The following DENND1A variants were observed in gnomAD, a reference collection of about 807,000 sequenced individuals.
DENND1A encodes the protein DENN domain containing 1A, also known as DENN domain-containing protein 1A.
DENND1A carries 51 observed loss-of-function variants against 113.7 expected under a neutral mutation model. That is an observed-to-expected ratio of 0.45 (90% CI 0.36 to 0.57). The LOEUF is 0.57. DENND1A is among the 20% of genes least tolerant of loss of function. The probability of loss-of-function intolerance (pLI) is 0.00; values close to 1 mark genes in which losing one functional copy is unlikely to be tolerated. For missense variants in DENND1A, 1,258 were observed against 1,395.9 expected (o/e 0.90, Z 1.57); for synonymous variants, 565 against 570.8 (o/e 0.99, Z 0.14).
intron 13 of DENND1A, among the ~76,000 whole-genome samples, chr9:123,500,352 G>T (rs2052365294): frequency 6.6e-6 from 1 of 152,174 alleles, no homozygotes; most frequent in African/African-American, 2.4e-5. Flanking sequence ...GGTGGAATTA[G>T]ATTTTTCTTA....
chr9:123,556,834 G>T (rs986086159), intron 13 of DENND1A, among the ~76,000 whole-genome samples: 3 of 152,236 alleles, frequency 2.0e-5, no homozygotes, highest in African/African-American at 7.2e-5. Flanking sequence ...GAGAGAAACA[G>T]CAAAGAAGAA....
intron 13 of DENND1A, among the ~76,000 whole-genome samples, chr9:123,481,305 G>C (rs1330341434): frequency 6.6e-6 from 1 of 152,194 alleles, no homozygotes; most frequent in African/African-American, 2.4e-5. Flanking sequence ...GCAATGGTGG[G>C]GATGGCAACT....
At chr9:123,824,259 A>G (rs1164098299) in intron 2 of DENND1A, among the ~76,000 whole-genome samples, 1 of 152,068 alleles carries the variant, frequency 6.6e-6, no homozygotes, top group Admixed American at 6.5e-5. Flanking sequence ...AACACCCCAA[A>G]ACTTAAGCTC....
At chr9:123,547,181 A>C (rs1386176042) in intron 13 of DENND1A, among the ~76,000 whole-genome samples, 1 of 152,246 alleles carries the variant, frequency 6.6e-6, no homozygotes, top group Non-Finnish European at 1.5e-5. Context: ...CTCAATAGGC[A>C]ACAAATGTTT....
At chr9:123,584,224 G>A (rs2059056207) in intron 11 of DENND1A, among the ~76,000 whole-genome samples, 2 of 152,198 alleles carry the variant, frequency 1.3e-5, no homozygotes, top group South Asian at 4.1e-4. Context: ...ATCATTTGCT[G>A]TCTAAACTGG....
intron 13 of DENND1A, among the ~76,000 whole-genome samples, chr9:123,487,811 C>T (rs1342174124): frequency 1.3e-5 from 2 of 152,216 alleles, no homozygotes; most frequent in Non-Finnish European, 2.9e-5. Context: ...AAGGGGACTG[C>T]TGATATTTCT....
At chr9:123,687,730 A>G (rs1370699939) in intron 5 of DENND1A, among the ~76,000 whole-genome samples, 1 of 152,238 alleles carries the variant, frequency 6.6e-6, no homozygotes, top group Non-Finnish European at 1.5e-5. Flanking sequence ...GGGTTTTTAG[A>G]GAGAGTAAAG....
intron 6 of DENND1A, among the ~76,000 whole-genome samples, chr9:123,672,639 T>C (rs2063823729): frequency 6.6e-6 from 1 of 152,182 alleles, no homozygotes; most frequent in Non-Finnish European, 1.5e-5. Context: ...AATGCCATTA[T>C]TGTGAGAGTG....
chr9:123,743,460 G>A (rs945861656), intron 5 of DENND1A, among the ~76,000 whole-genome samples: 7 of 151,634 alleles, frequency 4.6e-5, no homozygotes, highest in Non-Finnish European at 8.8e-5. Context: ...GGCCGGGCGC[G>A]GTGGCTCACT....
At chr9:123,394,561 C>T (rs1395635822) in intron 21 of DENND1A, among the ~76,000 whole-genome samples, 1 of 152,214 alleles carries the variant, frequency 6.6e-6, no homozygotes, top group Non-Finnish European at 1.5e-5. Context: ...AGCCTTTATT[C>T]GGGCATTTAT....
intron 13 of DENND1A, among the ~76,000 whole-genome samples, chr9:123,465,248 A>G (rs1453358842): frequency 2.0e-5 from 3 of 150,120 alleles, no homozygotes. Flanking sequence ...TAGTTCAGGG[A>G]GCAAATAACA....
intron 2 of DENND1A, among the ~76,000 whole-genome samples, 170 bp from the exon 3 acceptor site, chr9:123,792,800 C>T (rs1341051078): frequency 6.6e-6 from 1 of 152,166 alleles, no homozygotes. Flanking sequence ...AAGGCACTCC[C>T]ATTACCCTCC....
chr9:123,610,230 A>ATG (rs1374106659), intron 10 of DENND1A, among the ~76,000 whole-genome samples: 4 of 152,138 alleles, frequency 2.6e-5, no homozygotes, highest in Middle Eastern at 3.4e-3. Flanking sequence ...GTCGGTGTGT[A>ATG]TGTGTGTGTG....
chr9:123,652,942 A>G (rs2062738261), intron 8 of DENND1A, among the ~76,000 whole-genome samples: 2 of 152,216 alleles, frequency 1.3e-5, no homozygotes, highest in South Asian at 4.1e-4. Flanking sequence ...CGCTTTCTAT[A>G]CCCACCTGAC....
At chr9:123,695,510 T>C (rs1219514673) in intron 5 of DENND1A, among the ~76,000 whole-genome samples, 2 of 152,106 alleles carry the variant, frequency 1.3e-5, no homozygotes, top group Non-Finnish European at 2.9e-5. Context: ...CCTATTAGTG[T>C]GTCCCTCTAG....
chr9:123,476,972 C>T (rs754524923), intron 13 of DENND1A, among the ~76,000 whole-genome samples: 1 of 152,182 alleles, frequency 6.6e-6, no homozygotes, highest in Non-Finnish European at 1.5e-5. Context: ...CAGATAGAAC[C>T]TTCCAGGGTA....
intron 13 of DENND1A, among the ~76,000 whole-genome samples, chr9:123,517,075 AC>A (rs2053993852): frequency 6.6e-6 from 1 of 151,366 alleles, no homozygotes; most frequent in African/African-American, 2.4e-5. Context: ...ATAAGGTGAA[AC>A]CCTGTCTCTA....
At chr9:123,603,114 T>C (rs995552817) in intron 11 of DENND1A, among the ~76,000 whole-genome samples, 6 of 152,118 alleles carry the variant, frequency 3.9e-5, no homozygotes, top group African/African-American at 1.4e-4. Flanking sequence ...GGTACAATGG[T>C]AAACAAGAAA....
intron 1 of DENND1A, among the ~76,000 whole-genome samples, chr9:123,891,810 A>G (rs971501675): frequency 3.3e-5 from 5 of 152,202 alleles, no homozygotes; most frequent in East Asian, 1.9e-4. Flanking sequence ...CGATCCATCC[A>G]TCCTTCTCTC....
Sources: allele counts gnomAD v4.1 joint callset (sites outside exome capture counted in the v4.1 genomes callset), GRCh38; gene constraint gnomAD v4.1.1; transcripts MANE v1.5; gene names NCBI Gene and HGNC (gene_info 2026-07-23, HGNC 2026-07-21).